The following TMEM165 variants were observed in gnomAD, a reference collection of about 807,000 sequenced individuals.
TMEM165 encodes transmembrane protein 165, also known as putative divalent cation/proton antiporter TMEM165.
A neutral mutation model predicts 30.0 loss-of-function variants in TMEM165; 19 were observed. The observed-to-expected ratio is 0.63, with a 90% confidence interval of 0.44 to 0.93. The LOEUF (loss-of-function observed/expected upper bound fraction) is 0.93, where lower values mean the gene tolerates loss of function less well. Among genes scored for constraint, TMEM165 ranks in the 40% least tolerant of loss-of-function variants. The probability of loss-of-function intolerance (pLI) is 0.00; values close to 1 mark genes in which losing one functional copy is unlikely to be tolerated. For missense variants in TMEM165, 340 were observed against 417.0 expected, an observed-to-expected ratio of 0.82 and a Z score of 1.61; for synonymous variants, 168 against 162.9, an observed-to-expected ratio of 1.03 and a Z score of -0.24.
downstream of TMEM165, chr4:55,430,280 T>C (rs918070725): frequency 4.6e-5 from 7 of 152,310 alleles, no homozygotes; most frequent in African/African-American, 1.7e-4. Flanking sequence ...CACTAAATAA[T>C]GTTTCCCTGA....
chr4:55,443,987 T>A, intron 3 of TMEM165: 6 of 1,188,156 alleles, frequency 5.0e-6, no homozygotes, highest in Non-Finnish European at 7.2e-6. Context: ...CTACAAAGTA[T>A]GTTTAAAAAG....
At chr4:55,422,383 G>A (rs959936273) in intron 4 of TMEM165, among the ~76,000 whole-genome samples, 6 of 151,834 alleles carry the variant, frequency 4.0e-5, no homozygotes, top group Admixed American at 1.3e-4. Context: ...TCAGCCTCCC[G>A]AGTAGCTAGG....
Position 55,417,993 on chromosome 4 carries a change from A to T in TMEM165, c.792+8A>T. On this transcript the variant is annotated splice_region_variant and intron_variant, in intron 4 of 5. Transcript: ENST00000381334. ...GTATTGGCAGCTAGAGAGGTGAGTG[A>T]TATTTGAGAGGAGACTGTTTAAAAT... 1 of 1,599,442 alleles carries T rather than the reference A, an allele frequency of 6.3e-7. No individual in the cohort carries two copies. Among genetic ancestry groups the T allele is most frequent in the South Asian group, 1.1e-5 (1 of 88,026 alleles).
At chr4:55,448,594 A>ATG (rs1553891179) in intron 3 of TMEM165, among the ~76,000 whole-genome samples, 19 of 81,340 alleles carry the variant, frequency 2.3e-4, no homozygotes, top group Admixed American at 1.1e-3. Context: ...GCGCGCGCGC[A>ATG]CGCGCGCGTG....
chr4:55,442,248 C>G (rs1037462295), intron 3 of TMEM165: 7 of 577,114 alleles, frequency 1.2e-5, no homozygotes, highest in Non-Finnish European at 2.1e-5. Flanking sequence ...TTGTTGTTAC[C>G]CTTTAATTAT....
At chr4:55,407,938 G>A (rs1024317817) in intron 1 of TMEM165, among the ~76,000 whole-genome samples, 1 of 152,082 alleles carries the variant, frequency 6.6e-6, no homozygotes, top group Non-Finnish European at 1.5e-5. Context: ...TCACAGGGGG[G>A]TGTACCTATT....
downstream of TMEM165, chr4:55,429,442 C>T (rs1577650430): frequency 6.6e-6 from 1 of 152,300 alleles, no homozygotes; most frequent in East Asian, 1.9e-4. Context: ...AATATTCCAA[C>T]ACTGCTTTAC....
chr4:55,398,102 G>A (rs1285051058), intron 1 of TMEM165, among the ~76,000 whole-genome samples: 1 of 152,184 alleles, frequency 6.6e-6, no homozygotes, highest in East Asian at 1.9e-4. Flanking sequence ...TTGTTTTTCT[G>A]TGTAAGACCG....
downstream of TMEM165, chr4:55,429,960 CAG>C (rs1364706021): frequency 6.6e-6 from 1 of 152,182 alleles, no homozygotes; most frequent in Non-Finnish European, 1.5e-5. Context: ...CACCCCAAAT[CAG>C]AGCCAGTTCC....
rs1040459802 is a variant in TMEM165 at position 55,411,483 on chromosome 4, G to C, written c.208-131G>C. The C allele has an allele frequency of 1.3e-5, 10 of 774,964 alleles. No homozygotes were observed. In the African/African-American group the frequency reaches 1.8e-4, roughly 14 times the overall value. The allele number at this position is 774,964 out of a possible 1,614,324, so 48.0% of individuals were successfully genotyped here. On this transcript the variant is annotated intron_variant, in intron 1 of 5. Coordinates refer to ENST00000381334, the MANE Select transcript of TMEM165 (RefSeq NM_018475.5). ...TTACCGTCGTTACTGATGGCTTTCA[G>C]AGTGATTAGACAGTAAATAAGTGTA...
At chr4:55,433,327 C>G (rs894565557) in intron 3 of TMEM165, 3 of 152,598 alleles carry the variant, frequency 2.0e-5, no homozygotes, top group Admixed American at 6.5e-5. Context: ...AGTCACACTT[C>G]TTTTGTAGAA....
chr4:55,409,961 C>T (rs185937901), intron 1 of TMEM165, among the ~76,000 whole-genome samples: 249 of 152,282 alleles, frequency 1.6e-3, no homozygotes, highest in African/African-American at 5.4e-3. Context: ...ATACCCCGTC[C>T]TTCCTGGTCC....
chr4:55,403,135 T>C, intron 1 of TMEM165: 1 of 743,690 alleles, frequency 1.3e-6, no homozygotes, highest in Non-Finnish European at 2.0e-6. Flanking sequence ...GAGACAGTTC[T>C]AAGCAAATTG....
At chr4:55,447,228 G>C (rs539616643) in intron 3 of TMEM165, among the ~76,000 whole-genome samples, 1 of 152,048 alleles carries the variant, frequency 6.6e-6, no homozygotes, top group Admixed American at 6.6e-5. Flanking sequence ...CTAGCCGGGT[G>C]TGGTGGCATG....
intron 1 of TMEM165, among the ~76,000 whole-genome samples, chr4:55,408,546 A>G (rs1721365353): frequency 6.6e-6 from 1 of 152,198 alleles, no homozygotes; most frequent in Admixed American, 6.5e-5. Context: ...AAAATTTGGT[A>G]CTGTAATCTT....
intron 3 of TMEM165, chr4:55,444,801 C>T (rs769110870): frequency 5.0e-5 from 81 of 1,612,432 alleles, no homozygotes; most frequent in East Asian, 4.7e-4. Flanking sequence ...GTACCATGTA[C>T]GGAAAAAGTG....
intron 3 of TMEM165, chr4:55,434,294 T>G (rs1373000911): frequency 6.6e-6 from 1 of 152,618 alleles, no homozygotes; most frequent in African/African-American, 2.4e-5. Context: ...TAAAAAAGAT[T>G]TCAACAAATC....
intron 5 of TMEM165, 65 bp from the exon 6 acceptor site, chr4:55,425,311 T>A (rs965867688): frequency 6.5e-5 from 88 of 1,352,474 alleles, no homozygotes; most frequent in Non-Finnish European, 9.0e-5. Flanking sequence ...GGCTCCCTTT[T>A]CATTTTGTAC....
intron 3 of TMEM165, among the ~76,000 whole-genome samples, chr4:55,448,601 C>CGCGTGTGTGTGTGT (rs764071880): frequency 8.5e-6 from 1 of 116,980 alleles, no homozygotes; most frequent in Non-Finnish European, 1.8e-5. Context: ...CGCACGCGCG[C>CGCGTGTGTGTGTGT]GTGTGTGTGT....
Sources: allele counts gnomAD v4.1 joint callset (sites outside exome capture counted in the v4.1 genomes callset), GRCh38; gene constraint gnomAD v4.1.1; transcripts MANE v1.5; gene names NCBI Gene and HGNC (gene_info 2026-07-23, HGNC 2026-07-21).